The following CHMP1A variants were observed in gnomAD, a reference collection of about 807,000 sequenced individuals.
CHMP1A encodes the protein charged multivesicular body protein 1A.
Under a neutral mutation model 27.0 loss-of-function variants are expected in CHMP1A, and 17 were observed. The observed-to-expected ratio is 0.63, with a 90% CI of 0.43 to 0.95. CHMP1A has a LOEUF of 0.95. CHMP1A is among the 40% of genes least tolerant of loss of function. CHMP1A has a pLI of 0.00. For missense variants in CHMP1A, 275 were observed against 264.0 expected, an observed-to-expected ratio of 1.04 and a Z score of -0.29; for synonymous variants, 131 against 107.5, an observed-to-expected ratio of 1.22 and a Z score of -1.35.
chr16:89,654,023 A>G, intron 1 of CHMP1A, 100 bp from the exon 2 acceptor site: 1 of 1,261,696 alleles, frequency 7.9e-7, no homozygotes, highest in South Asian at 1.2e-5. Context: ...ACCAGGAGCT[A>G]GAACACACAC....
chr16:89,646,958 A>G (rs2151511538), intron 5 of CHMP1A: 2 of 1,297,652 alleles, frequency 1.5e-6, no homozygotes, highest in Non-Finnish European at 2.0e-6. Context: ...ACACCTCTGC[A>G]TGCTTGTCTG....
rs538195129 is a variant in CHMP1A, at chr16:89,651,718, C to A, written c.28-72G>T. The A allele has an allele frequency of 2.9e-4, 421 of 1,461,614 alleles. 1 individual carries two copies. In the African/African-American group the frequency reaches 5.1e-3, roughly 18 times the overall value. 90.5% of individuals were successfully genotyped at this position (1,461,614 alleles called of 1,614,324 possible). On this transcript the variant is annotated intron_variant, in intron 2 of 6. Transcript: ENST00000397901. Reference sequence around the variant, plus strand: ...CCCCAGGCCCGGCTCTCCACACCCCCACACCTGTGCCCACACCTGTGCCCA... The same window carrying A: ...CCCCAGGCCCGGCTCTCCACACCCCAACACCTGTGCCCACACCTGTGCCCA...
Position 89,649,505 on chromosome 16 carries a change from C to G in CHMP1A, c.106-8G>C. Reference sequence around the variant, plus strand: ...ATTTTTCTGCAGAAGGGCCTGAAACCCGCGGGGGAAAGCAGCTGGAAGAGC... The same window carrying G: ...ATTTTTCTGCAGAAGGGCCTGAAACGCGCGGGGGAAAGCAGCTGGAAGAGC... On this transcript the variant is annotated splice_polypyrimidine_tract_variant and splice_region_variant and intron_variant, in intron 3 of 6. Coordinates refer to ENST00000397901, the MANE Select transcript of CHMP1A (RefSeq NM_002768.5). The G allele has an allele frequency of 6.2e-7, 1 of 1,613,542 alleles. No homozygotes were observed. Among genetic ancestry groups the G allele is most frequent in the Non-Finnish European group, 8.5e-7 (1 of 1,179,810 alleles).
chr16:89,654,016 A>G (rs1304384474), intron 1 of CHMP1A, 93 bp from the exon 2 acceptor site: 4 of 1,334,282 alleles, frequency 3.0e-6, no homozygotes, highest in Non-Finnish European at 4.3e-6. Context: ...TCTAGACACC[A>G]GGAGCTAGAA....
At position 89,645,566 on chromosome 16, in the gene CHMP1A, G is replaced by A. The variant is rs900207495; in HGVS notation, c.*500C>T. ...GAGGATGTCATTGTAAATACCACCA[G>A]GACAGCGTTGGGTGGCACCTGACAT... On this transcript the variant is annotated 3_prime_UTR_variant, in exon 7 of 7. Coordinates refer to ENST00000397901, the MANE Select transcript of CHMP1A (RefSeq NM_002768.5). The A allele has an allele frequency of 9.5e-6, 2 of 211,290 alleles. No individual in the cohort carries two copies. The highest frequency in any genetic ancestry group is 4.8e-5 in the African/African-American group (2 of 41,884). 13.1% of individuals were successfully genotyped at this position (211,290 alleles called of 1,614,324 possible). A position where few individuals can be genotyped will look rare whatever the true frequency, so the allele number is the denominator to read the frequency against.
rs754579486 is a variant in CHMP1A, at chr16:89,645,887, G to A, written c.*179C>T. 7 of 1,586,288 alleles carry A rather than the reference G, an allele frequency of 4.4e-6. No individual in the cohort carries two copies. The highest frequency in any genetic ancestry group is 2.3e-5 in the South Asian group (2 of 87,202). On this transcript the variant is annotated 3_prime_UTR_variant, in exon 7 of 7. Coordinates refer to ENST00000397901, the MANE Select transcript of CHMP1A (RefSeq NM_002768.5). ...CTCAACACCAGGACACAGACCCACC[G>A]CCCAACCTAAAAGAACAGGAACAAC...
chr16:89,649,960 GC>G (rs1160043549), intron 3 of CHMP1A, among the ~76,000 whole-genome samples: 1 of 151,862 alleles, frequency 6.6e-6, no homozygotes, highest in East Asian at 1.9e-4. Flanking sequence ...CCCCAGCCCA[GC>G]CCCCCAAGCA....
At position 89,645,561 on chromosome 16, in the gene CHMP1A, C is replaced by G. The variant is rs768215417; in HGVS notation, c.*505G>C. 7 of 204,580 alleles carry G rather than the reference C, an allele frequency of 3.4e-5. No homozygotes were observed. Among genetic ancestry groups the G allele is most frequent in the Non-Finnish European group, 6.1e-5 (6 of 98,376 alleles). 12.7% of individuals were successfully genotyped at this position (204,580 alleles called of 1,614,324 possible). On this transcript the variant is annotated 3_prime_UTR_variant, in exon 7 of 7. Transcript: ENST00000397901. Reference sequence around the variant, plus strand: ...AGGAGGAGGATGTCATTGTAAATACCACCAGGACAGCGTTGGGTGGCACCT... The same window carrying G: ...AGGAGGAGGATGTCATTGTAAATACGACCAGGACAGCGTTGGGTGGCACCT...
At chr16:89,653,987 C>T in intron 1 of CHMP1A, 64 bp from the exon 2 acceptor site, 1 of 1,548,280 alleles carries the variant, frequency 6.5e-7, no homozygotes, top group Non-Finnish European at 8.9e-7. Context: ...TTCTGGCAGG[C>T]AGGACTCACT....
rs548753744 is a variant in CHMP1A at position 89,647,553 on chromosome 16, C to G, written c.253-222G>C. Among the ~76,000 whole-genome samples the G allele has an allele frequency of 3.3e-4, 47 of 144,444 alleles. 1 individual carries two copies. The highest frequency in any genetic ancestry group is 8.7e-4 in the South Asian group (4 of 4,574). 94.8% of individuals were successfully genotyped at this position (144,444 alleles called of 152,430 possible). On this transcript the variant is annotated intron_variant, in intron 4 of 6. Transcript: ENST00000397901. ...AGTGCGGGGTCAGTGGAGAAAAGGC[C>G]GCCGACGTGGAGACCCAGTGCGGGG... is the stretch of plus-strand genomic sequence containing the variant.
intron 4 of CHMP1A, 74 bp downstream of exon 4, chr16:89,649,277 G>C: frequency 6.5e-7 from 1 of 1,534,962 alleles, no homozygotes; most frequent in South Asian, 1.2e-5. Context: ...AGCTGCCCCA[G>C]ATCCAGACCG....
In CHMP1A at chr16:89,657,675, C is replaced by A. The variant is rs1003731873; in HGVS notation, c.-87G>T. ...AGGTCCCGGCGGCGATCGAACCGAC[C>A]AAGCTGCACCCGGCGGGGACTTCCG... On this transcript the variant is annotated 5_prime_UTR_variant, in exon 1 of 7. Coordinates refer to ENST00000397901, the MANE Select transcript of CHMP1A (RefSeq NM_002768.5). The A allele has an allele frequency of 8.3e-6, 13 of 1,560,696 alleles. No homozygotes were observed. The highest frequency in any genetic ancestry group is 1.1e-5 in the Non-Finnish European group (13 of 1,143,686).
At chr16:89,655,708 C>T (rs2059859601) in intron 1 of CHMP1A, among the ~76,000 whole-genome samples, 1 of 152,158 alleles carries the variant, frequency 6.6e-6, no homozygotes, top group Non-Finnish European at 1.5e-5. Context: ...TCACTGCAAC[C>T]TCTGCCTCCC....
chr16:89,647,299 G>C lies in CHMP1A; in HGVS notation c.285C>G (p.Ala95=). ...VTKNMAQVTK[A]LDKALSTMDL... ...CCATGGTGCTCAGGGCCTTGTCCAG[G>C]GCTTTGGTCACCTGGGCCATATTCT... The change falls in exon 5 of 7, where the codon GCC becomes GCG. Residue 95 remains alanine (A), a synonymous_variant. Transcript: ENST00000397901. 6.2e-7 allele frequency: 1 copy of C among 1,611,494 alleles called. No individual in the cohort carries two copies.
Position 89,646,712 on chromosome 16 carries a change from C to T in CHMP1A, c.384G>A (p.Val128=), listed in dbSNP as rs2059776630. The change falls in exon 6 of 7, where the codon GTG becomes GTA. Residue 128 remains valine (V), a splice_region_variant and synonymous_variant. Coordinates refer to ENST00000397901, the MANE Select transcript of CHMP1A (RefSeq NM_002768.5). ...TGGCCGAGCTCATGGAGTCCTCCAT[C>T]ACCTGGGGGCAGGGGCATGCTCTGG... ...QVQNLDVHTS[V]MEDSMSSATT... The T allele has an allele frequency of 2.5e-6, 4 of 1,607,700 alleles. No homozygotes were observed. Among genetic ancestry groups the T allele is most frequent in the Non-Finnish European group, 3.4e-6 (4 of 1,177,852 alleles).
chr16:89,657,601 A>T lies in CHMP1A; in HGVS notation c.-13T>A, dbSNP rs1296379657. 6.2e-6 allele frequency: 10 copies of T among 1,611,146 alleles called. No homozygotes were observed. In the Admixed American group the frequency reaches 1.3e-4, roughly 21 times the overall value. ...TCTTACCGTCCATGGCCACAATGAC[A>T]GGAGCAGCACTCGGAGAGGGAGAAG... On this transcript the variant is annotated 5_prime_UTR_variant, in exon 1 of 7. Coordinates refer to ENST00000397901, the MANE Select transcript of CHMP1A (RefSeq NM_002768.5).
rs1251494250 is a variant in CHMP1A at position 89,645,541 on chromosome 16, G to A, written c.*525C>T. The A allele has an allele frequency of 5.2e-6, 1 of 193,558 alleles. No homozygotes were observed. Among genetic ancestry groups the A allele is most frequent in the Non-Finnish European group, 1.1e-5 (1 of 91,678 alleles). The allele number at this position is 193,558 out of a possible 1,614,324, so 12.0% of individuals were successfully genotyped here. The stretch of plus-strand genomic sequence containing the variant: ...CACCACCCCTGGAGTGATGGAGGAG[G>A]AGGATGTCATTGTAAATACCACCAG... On this transcript the variant is annotated 3_prime_UTR_variant, in exon 7 of 7. Transcript: ENST00000397901.
At chr16:89,656,497 A>G (rs924095523) in intron 1 of CHMP1A, among the ~76,000 whole-genome samples, 9 of 152,254 alleles carry the variant, frequency 5.9e-5, no homozygotes, top group African/African-American at 2.2e-4. Flanking sequence ...TTCAGCAAAC[A>G]TAGGACTTCA....
At chr16:89,647,609 C>CCGCTGTGCCCTCCTGG in intron 4 of CHMP1A, among the ~76,000 whole-genome samples, 1 of 130,812 alleles carries the variant, frequency 7.6e-6, no homozygotes, top group Non-Finnish European at 1.7e-5. Flanking sequence ...GACGTGGAGA[C>CCGCTGTGCCCTCCTGG]CCAGTGCGGG....
Sources: gnomAD v4.1 joint callset for allele counts (sites outside exome capture counted in the v4.1 genomes callset) on GRCh38, gnomAD v4.1.1 for gene constraint, MANE v1.5 for transcripts, NCBI Gene and HGNC (gene_info 2026-07-23, HGNC 2026-07-21) for gene names.